URB1: variants seen among roughly 807,000 people sequenced by gnomAD.
URB1 encodes the protein nucleolar pre-ribosomal-associated protein 1.
In URB1, 197 loss-of-function variants were observed where a neutral mutation model predicts 242.3. The observed-to-expected ratio is 0.81, with a 90% CI of 0.72 to 0.91. The LOEUF (loss-of-function observed/expected upper bound fraction) is 0.91. Ranked by LOEUF, URB1 falls within the 40% of genes least tolerant of loss-of-function variation. URB1 has a pLI of 0.00. For synonymous variants in URB1, 1,153 were observed against 1,201.8 expected (o/e 0.96, Z 0.84); for missense variants, 2,721 against 2,860.5 (o/e 0.95, Z 1.11).
chr21:32,346,637 G>C (rs2033088650), intron 22 of URB1, among the ~76,000 whole-genome samples: 1 of 152,188 alleles, frequency 6.6e-6, no homozygotes, highest in Admixed American at 6.5e-5. Context: ...TGGCACCCAA[G>C]AACTCCTTCA....
chr21:32,324,634 G>A (rs1267530962), intron 31 of URB1, 32 bp from the exon 32 acceptor site: 4 of 1,491,398 alleles, frequency 2.7e-6, no homozygotes, highest in Non-Finnish European at 3.7e-6. Flanking sequence ...GAAAATGTAA[G>A]ATGAGCGTGT....
chr21:32,375,538 AGAC>A, intron 5 of URB1, 55 bp from the exon 6 acceptor site: 1 of 1,100,236 alleles, frequency 9.1e-7, no homozygotes, highest in Non-Finnish European at 1.3e-6. Context: ...AAATGAGAAT[AGAC>A]GAGAGAATAT....
chr21:32,392,950 A>T lies in URB1; in HGVS notation c.-40T>A, dbSNP rs1203168797. 1 of 1,463,892 alleles carries T rather than the reference A, an allele frequency of 6.8e-7. No individual in the cohort carries two copies. Among genetic ancestry groups the T allele is most frequent in the Non-Finnish European group, 9.0e-7 (1 of 1,107,768 alleles). The allele number at this position is 1,463,892 out of a possible 1,614,324, so 90.7% of individuals were successfully genotyped here. On this transcript the variant is annotated 5_prime_UTR_variant, in exon 1 of 39. Transcript: ENST00000382751. ...AAGCGCGACGGAAACGACACACCTGAGGGGACCCGGCAGGAGCACTGGCAC... is the reference window on the plus strand; with the variant it reads ...AAGCGCGACGGAAACGACACACCTGTGGGGACCCGGCAGGAGCACTGGCAC...
At chr21:32,323,367 G>C (rs933431347) in intron 32 of URB1, among the ~76,000 whole-genome samples, 1 of 152,172 alleles carries the variant, frequency 6.6e-6, no homozygotes, top group Non-Finnish European at 1.5e-5. Flanking sequence ...GGGGGATACA[G>C]GTGGAAACAG....
intron 34 of URB1, 48 bp from the exon 35 acceptor site, chr21:32,320,688 T>C: frequency 7.4e-7 from 1 of 1,343,102 alleles, no homozygotes. Context: ...AAACCCACTT[T>C]ACTTGATTAA....
rs2032645558 is a variant in URB1 at position 32,314,442 on chromosome 21, C to T, written c.*476G>A. On this transcript the variant is annotated 3_prime_UTR_variant, in exon 39 of 39. Coordinates refer to ENST00000382751, the MANE Select transcript of URB1 (RefSeq NM_014825.3). ...TCAGGTGATTCACCCGCCTTGGCCTCCCAAAGTGCTGGGATTATAGGCGTG... is the reference window on the plus strand; with the variant it reads ...TCAGGTGATTCACCCGCCTTGGCCTTCCAAAGTGCTGGGATTATAGGCGTG... The T allele has an allele frequency of 9.9e-7, 1 of 1,011,392 alleles. No homozygotes were observed. The highest frequency in any genetic ancestry group is 1.9e-5 in the Admixed American group (1 of 53,204). 62.7% of individuals were successfully genotyped at this position (1,011,392 alleles called of 1,614,324 possible). A position where few individuals can be genotyped will look rare whatever the true frequency, so the allele number is the denominator to read the frequency against.
chr21:32,323,380 C>T (rs1419294045), intron 32 of URB1, among the ~76,000 whole-genome samples: 3 of 152,162 alleles, frequency 2.0e-5, no homozygotes, highest in Non-Finnish European at 2.9e-5. Context: ...GGAAACAGCA[C>T]CCTGTGGTCC....
At chr21:32,385,007 AAAAGAAAG>A (rs56918578) in intron 2 of URB1, among the ~76,000 whole-genome samples, 2,359 of 151,000 alleles carry the variant, frequency 0.016, 45 homozygotes, top group Non-Finnish European at 0.017. Flanking sequence ...AAAAGAAAAG[AAAAGAAAG>A]AAAGAAAGAA....
chr21:32,369,889 G>C (rs553421062), intron 8 of URB1, among the ~76,000 whole-genome samples: 1 of 149,390 alleles, frequency 6.7e-6, no homozygotes, highest in African/African-American at 2.5e-5. Context: ...GATAATAAAA[G>C]CAGGTGAGCC....
At chr21:32,337,180 T>G in intron 27 of URB1, 23 bp from the exon 28 acceptor site, 2 of 1,551,208 alleles carry the variant, frequency 1.3e-6, no homozygotes, top group Non-Finnish European at 8.7e-7. Context: ...GCAGGATCGG[T>G]TTAGGAAGAT....
In URB1 at chr21:32,388,772, C is replaced by T. The variant is rs1017141892; in HGVS notation, c.143-3088G>A. 4.6e-5 allele frequency among the ~76,000 whole-genome samples: 7 copies of T among 152,190 alleles called. No homozygotes were observed. The South Asian group carries it at 1.2e-3, about 27-fold the overall frequency. On this transcript the variant is annotated intron_variant, in intron 1 of 38. Coordinates refer to ENST00000382751, the MANE Select transcript of URB1 (RefSeq NM_014825.3). ...ACTCACTCTTTTTTAAGGAATTATT[C>T]GTCAAACTCTAGCATGTAACTCTGA...
chr21:32,386,643 A>T (rs1253258780), intron 1 of URB1, among the ~76,000 whole-genome samples: 1 of 152,196 alleles, frequency 6.6e-6, no homozygotes, highest in East Asian at 1.9e-4. Flanking sequence ...GGATCCCCAT[A>T]GAGCTTTTGT....
Position 32,363,452 on chromosome 21 carries a change from G to A in URB1, c.1336-123C>T, listed in dbSNP as rs536876930. 4.4e-5 allele frequency: 54 copies of A among 1,236,040 alleles called. No individual in the cohort carries two copies. In the South Asian group the frequency reaches 7.1e-4, roughly 16 times the overall value. 76.6% of individuals were successfully genotyped at this position (1,236,040 alleles called of 1,614,324 possible). On this transcript the variant is annotated intron_variant, in intron 10 of 38. Transcript: ENST00000382751. ...ACAGGGAAAGCTGCATGAAACTGCT[G>A]GTCTCTACGCTCTGAGAAGAGGCGA...
chr21:32,351,817 T>TG, intron 19 of URB1, among the ~76,000 whole-genome samples: 1 of 152,240 alleles, frequency 6.6e-6, no homozygotes, highest in East Asian at 1.9e-4. Flanking sequence ...GGCCTACGTG[T>TG]GGGGGAAGGT....
chr21:32,315,124 A>G (rs772998125), intron 38 of URB1, 25 bp from the exon 39 acceptor site: 13 of 1,488,722 alleles, frequency 8.7e-6, no homozygotes, highest in Middle Eastern at 1.7e-4. Flanking sequence ...GGGATAGGCC[A>G]TTAGGATGCA....
At chr21:32,329,232 C>T (rs953638862) in intron 30 of URB1, among the ~76,000 whole-genome samples, 7 of 152,180 alleles carry the variant, frequency 4.6e-5, no homozygotes, top group Non-Finnish European at 7.3e-5. Flanking sequence ...TGCCACTGCA[C>T]TCCAACCTAG....
At chr21:32,367,901 A>C (rs2033363821) in intron 9 of URB1, among the ~76,000 whole-genome samples, 1 of 152,222 alleles carries the variant, frequency 6.6e-6, no homozygotes, top group Non-Finnish European at 1.5e-5. Flanking sequence ...ATTCTAAATA[A>C]ACCTCAAATT....
intron 4 of URB1, among the ~76,000 whole-genome samples, chr21:32,383,135 C>T (rs1045649584): frequency 5.3e-5 from 8 of 152,164 alleles, no homozygotes; most frequent in African/African-American, 1.2e-4. Context: ...GAGATGCCCA[C>T]AGCTAAGTCA....
chr21:32,364,347 C>T (rs1270734926), intron 10 of URB1, among the ~76,000 whole-genome samples: 1 of 152,178 alleles, frequency 6.6e-6, no homozygotes, highest in Non-Finnish European at 1.5e-5. Context: ...CCACACAACT[C>T]AAGCAGAATC....
Sources: allele counts gnomAD v4.1 joint callset (sites outside exome capture counted in the v4.1 genomes callset), GRCh38; gene constraint gnomAD v4.1.1; transcripts MANE v1.5; gene names NCBI Gene and HGNC (gene_info 2026-07-23, HGNC 2026-07-21).